The following MTAP variants were observed in gnomAD, a reference collection of about 807,000 sequenced individuals.
MTAP encodes the protein S-methyl-5'-thioadenosine phosphorylase.
A neutral mutation model predicts 33.6 loss-of-function variants in MTAP; 33 were observed. The ratio of observed to expected loss-of-function variants is 0.98; its 90% CI spans 0.74 to 1.31. MTAP has a LOEUF of 1.31. Ranked by LOEUF, MTAP falls within the 40% of genes most tolerant of loss-of-function variation. The probability of loss-of-function intolerance (pLI) is 0.00; values close to 1 mark genes in which losing one functional copy is unlikely to be tolerated. For synonymous variants in MTAP, 148 were observed against 125.7 expected, an observed-to-expected ratio of 1.18 and a Z score of -1.19; for missense variants, 367 against 360.0, an observed-to-expected ratio of 1.02 and a Z score of -0.16.
At chr9:21,893,504 T>C (rs1173809512) in intron 1 of MTAP, 1 of 152,012 alleles carries the variant, frequency 6.6e-6, no homozygotes, top group Admixed American at 6.6e-5. Flanking sequence ...GAAAGAGTGC[T>C]TGCTAGACTT....
intron 7 of MTAP, chr9:21,860,457 G>GTAGGA (rs1174457045): frequency 6.6e-5 from 10 of 152,230 alleles, no homozygotes; most frequent in African/African-American, 2.4e-4. Flanking sequence ...GGAATTTGTA[G>GTAGGA]CTTATCTTCC....
At chr9:21,870,277 T>C (rs1372141553), downstream of MTAP, among the ~76,000 whole-genome samples, 1 of 152,214 alleles carries the variant, frequency 6.6e-6, no homozygotes, top group Non-Finnish European at 1.5e-5. Context: ...CCCTACTTAC[T>C]CTAGTATTTG....
chr9:21,811,702 G>T (rs1824353795), intron 1 of MTAP: 1 of 531,834 alleles, frequency 1.9e-6, no homozygotes, highest in South Asian at 1.4e-5. Context: ...CAGACACCAG[G>T]TCGTTCATGT....
intron 1 of MTAP, among the ~76,000 whole-genome samples, chr9:21,901,843 A>T (rs1461083657): frequency 6.6e-6 from 1 of 152,210 alleles, no homozygotes; most frequent in Non-Finnish European, 1.5e-5. Context: ...AAACAGAAGT[A>T]AGCTAGTTTT....
chr9:21,920,570 C>G (rs978775381), intron 1 of MTAP, among the ~76,000 whole-genome samples: 2 of 152,152 alleles, frequency 1.3e-5, no homozygotes, highest in African/African-American at 4.8e-5. Flanking sequence ...CCATTATCCA[C>G]TTACCTTCCA....
At chr9:21,839,755 T>C (rs776205016) in intron 5 of MTAP, among the ~76,000 whole-genome samples, 2 of 152,224 alleles carry the variant, frequency 1.3e-5, no homozygotes, top group Admixed American at 6.5e-5. Context: ...AATAGGACTG[T>C]CATGATGAAT....
At chr9:21,818,295 G>A in intron 4 of MTAP, 93 bp downstream of exon 4, 1 of 1,058,556 alleles carries the variant, frequency 9.4e-7, no homozygotes. Context: ...CAACTGGGAG[G>A]GCAGTGCCAC....
intron 1 of MTAP, chr9:21,812,257 C>A: frequency 4.4e-6 from 1 of 228,192 alleles, no homozygotes; most frequent in Non-Finnish European, 8.9e-6. Context: ...CCACTCATGG[C>A]TGCAGACACC....
intron 5 of MTAP, among the ~76,000 whole-genome samples, chr9:21,845,061 C>T (rs1453926780): frequency 1.3e-5 from 2 of 149,314 alleles, no homozygotes; most frequent in East Asian, 3.9e-4. Flanking sequence ...CTATGACAAA[C>T]CCACAGCCAG....
Position 21,866,698 on chromosome 9 carries a change from T to G in MTAP, c.*4684T>G, listed in dbSNP as rs1349526221. 2.6e-5 allele frequency: 4 copies of G among 152,154 alleles called. No individual in the cohort carries two copies. Among genetic ancestry groups the G allele is most frequent in the African/African-American group, 7.2e-5 (3 of 41,450 alleles). The allele number at this position is 152,154 out of a possible 1,614,324, so 9.4% of individuals were successfully genotyped here. A position where few individuals can be genotyped will look rare whatever the true frequency, so the allele number is the denominator to read the frequency against. ...TAAGCTTTGCAATCTTTTCCAAGAT[T>G]GTTTTGGCTATAGGTCCTTTCTTTA... On this transcript the variant is annotated 3_prime_UTR_variant, in exon 8 of 8. Transcript: ENST00000644715.
intron 1 of MTAP, chr9:21,930,144 T>C (rs1818933485): frequency 3.1e-5 from 13 of 420,210 alleles, no homozygotes; most frequent in South Asian, 2.5e-4. Context: ...TGGGTTCTAA[T>C]GGAGTAAACT....
intron 1 of MTAP, among the ~76,000 whole-genome samples, chr9:21,808,329 A>T (rs1270618390): frequency 6.6e-6 from 1 of 152,068 alleles, no homozygotes; most frequent in Non-Finnish European, 1.5e-5. Context: ...TCATGCCTGT[A>T]ATCATAGCAC....
rs189964027 is a variant in MTAP at position 21,876,036 on chromosome 9, A to G, written c.147+21166A>G. 2.5e-3 allele frequency among the ~76,000 whole-genome samples: 382 copies of G among 151,988 alleles called. 1 individual carries two copies. Among genetic ancestry groups the G allele is most frequent in the Middle Eastern group, 6.8e-3 (2 of 294 alleles). ...CTCCACAACCTCGTCAGCATCTGTT[A>G]TTTTTTTACTTTTTAATAATAGCCA... On this transcript the variant is annotated intron_variant, in intron 1 of 1. Coordinates refer to the MTAP transcript ENST00000577563.
downstream of MTAP, among the ~76,000 whole-genome samples, chr9:21,870,779 C>CT (rs777664959): frequency 0.046 from 6,038 of 130,932 alleles, 268 homozygotes; most frequent in Admixed American, 0.15. Context: ...ATTTTTTTTT[C>CT]TTTTTTTTTT....
intron 1 of MTAP, among the ~76,000 whole-genome samples, chr9:21,890,202 A>G (rs1587277653): frequency 6.6e-6 from 1 of 152,050 alleles, no homozygotes; most frequent in Admixed American, 6.6e-5. Context: ...CCTGCATCAT[A>G]TAAGTCACCT....
intron 1 of MTAP, among the ~76,000 whole-genome samples, chr9:21,887,105 T>A (rs1818124069): frequency 6.6e-6 from 1 of 152,158 alleles, no homozygotes; most frequent in African/African-American, 2.4e-5. Context: ...GTGTGATCTA[T>A]GATTTCTTTT....
intron 1 of MTAP, among the ~76,000 whole-genome samples, chr9:21,916,248 A>G (rs1277740666): frequency 6.6e-6 from 1 of 152,152 alleles, no homozygotes; most frequent in Admixed American, 6.5e-5. Flanking sequence ...TGCAGATGTA[A>G]TCAGTTAAGA....
At chr9:21,828,343 A>G (rs556826828) in intron 4 of MTAP, among the ~76,000 whole-genome samples, 4 of 152,162 alleles carry the variant, frequency 2.6e-5, no homozygotes, top group Admixed American at 2.6e-4. Context: ...ACTAGTTGAC[A>G]CTACTTTACA....
chr9:21,856,738 C>G (rs934379067), intron 6 of MTAP, among the ~76,000 whole-genome samples: 2 of 152,178 alleles, frequency 1.3e-5, no homozygotes, highest in Non-Finnish European at 2.9e-5. Flanking sequence ...TTAAATGCTA[C>G]AAGGAAGGCC....
Sources: allele counts gnomAD v4.1 joint callset (sites outside exome capture counted in the v4.1 genomes callset), GRCh38; gene constraint gnomAD v4.1.1; transcripts MANE v1.5; gene names NCBI Gene and HGNC (gene_info 2026-07-23, HGNC 2026-07-21).